Variants in BMP5 observed in about 807,000 individuals in gnomAD.
BMP5 encodes the protein bone morphogenetic protein 5.
Under a neutral mutation model 46.6 loss-of-function variants are expected in BMP5, and 23 were observed. The ratio of observed to expected loss-of-function variants is 0.49; its 90% CI spans 0.35 to 0.70. BMP5 has a LOEUF of 0.70. Among genes scored for constraint, BMP5 ranks in the 30% least tolerant of loss-of-function variants. The pLI, the probability that BMP5 is intolerant of heterozygous loss-of-function variation, is 0.00. For synonymous variants in BMP5, 204 were observed against 191.9 expected, an observed-to-expected ratio of 1.06 and a Z score of -0.52; for missense variants, 545 against 565.6, an observed-to-expected ratio of 0.96 and a Z score of 0.37.
chr6:55,808,757 C>A (rs1776053034), intron 2 of BMP5, among the ~76,000 whole-genome samples: 1 of 152,182 alleles, frequency 6.6e-6, no homozygotes, highest in Non-Finnish European at 1.5e-5. Flanking sequence ...CCACCGCACC[C>A]CACTGCTCTT....
At chr6:55,847,968 A>C (rs1777138649) in intron 1 of BMP5, among the ~76,000 whole-genome samples, 1 of 151,972 alleles carries the variant, frequency 6.6e-6, no homozygotes. Flanking sequence ...TTAAAAGGAT[A>C]ATTAATTGGA....
intron 3 of BMP5, among the ~76,000 whole-genome samples, chr6:55,791,502 A>G (rs1200131139): frequency 2.6e-5 from 4 of 152,226 alleles, no homozygotes; most frequent in African/African-American, 4.8e-5. Flanking sequence ...TAAAGGAGTA[A>G]AACATTAGTT....
intron 1 of BMP5, among the ~76,000 whole-genome samples, chr6:55,834,277 C>T (rs1776732987): frequency 1.3e-5 from 2 of 152,158 alleles, no homozygotes; most frequent in South Asian, 4.1e-4. Context: ...ACTTTACTAA[C>T]AGAAACTTCC....
At chr6:55,810,736 A>C (rs905058381) in intron 2 of BMP5, among the ~76,000 whole-genome samples, 7 of 152,204 alleles carry the variant, frequency 4.6e-5, no homozygotes, top group Non-Finnish European at 8.8e-5. Flanking sequence ...TAAATCTTCA[A>C]ATAGAGCAAG....
chr6:55,816,100 A>G (rs1238103085), intron 2 of BMP5, among the ~76,000 whole-genome samples: 1 of 152,122 alleles, frequency 6.6e-6, no homozygotes, highest in East Asian at 1.9e-4. Flanking sequence ...CCTGAAAAAA[A>G]TGCTTAGGAT....
At chr6:55,805,534 G>A (rs73453372) in intron 2 of BMP5, among the ~76,000 whole-genome samples, 4,838 of 151,536 alleles carry the variant, frequency 0.032, 207 homozygotes, top group African/African-American at 0.1. Context: ...TTAGTTCCAC[G>A]TCTTTGCTTT....
chr6:55,778,385 G>A (rs1224947939), intron 3 of BMP5, among the ~76,000 whole-genome samples: 1 of 151,932 alleles, frequency 6.6e-6, no homozygotes, highest in African/African-American at 2.4e-5. Context: ...TGATCTTGCT[G>A]GTGGCAGTTA....
chr6:55,844,115 A>G (rs528648404), intron 1 of BMP5, among the ~76,000 whole-genome samples: 1 of 152,086 alleles, frequency 6.6e-6, no homozygotes, highest in African/African-American at 2.4e-5. Context: ...AAAGTATGAT[A>G]TTATTTATCC....
intron 1 of BMP5, among the ~76,000 whole-genome samples, chr6:55,860,495 CTAAA>C (rs1777504870): frequency 6.6e-6 from 1 of 151,956 alleles, no homozygotes; most frequent in Non-Finnish European, 1.5e-5. Context: ...ATGTCTCAGA[CTAAA>C]TAATTAGAAA....
rs376266496 is a variant in BMP5, at chr6:55,805,619, C to T, written c.684-11192G>A. 5.1e-4 allele frequency among the ~76,000 whole-genome samples: 77 copies of T among 152,228 alleles called. No homozygotes were observed. The South Asian group carries it at 0.016, about 31-fold the overall frequency. On this transcript the variant is annotated intron_variant, in intron 2 of 6. Transcript: ENST00000370830. ...GCTGGGTCAGATGGTATTTCTGGTT[C>T]TAGATCCTTGAGGAATCGGCACATT...
intron 4 of BMP5, among the ~76,000 whole-genome samples, chr6:55,770,887 C>T (rs780271653): frequency 1.6e-4 from 24 of 151,818 alleles, no homozygotes; most frequent in Non-Finnish European, 3.1e-4. Flanking sequence ...ACATTTACTT[C>T]CCATCTTATA....
intron 3 of BMP5, among the ~76,000 whole-genome samples, chr6:55,781,607 AT>A (rs1172320071): frequency 0.055 from 7,728 of 140,112 alleles, 498 homozygotes; most frequent in African/African-American, 0.17. Context: ...ATTATTCCAA[AT>A]TTTTTTTTTT....
At chr6:55,789,352 C>A (rs1160794312) in intron 3 of BMP5, among the ~76,000 whole-genome samples, 1 of 151,790 alleles carries the variant, frequency 6.6e-6, no homozygotes, top group Non-Finnish European at 1.5e-5. Flanking sequence ...CTAAATTATT[C>A]TATAAACCCA....
chr6:55,859,847 T>C (rs1777487961), intron 1 of BMP5, among the ~76,000 whole-genome samples: 1 of 152,238 alleles, frequency 6.6e-6, no homozygotes, highest in African/African-American at 2.4e-5. Context: ...TATATCCTCC[T>C]TGCAGAGATT....
intron 2 of BMP5, among the ~76,000 whole-genome samples, chr6:55,794,966 T>C (rs1775671845): frequency 1.3e-5 from 2 of 152,250 alleles, no homozygotes; most frequent in Non-Finnish European, 2.9e-5. Flanking sequence ...ACCACTGGTT[T>C]AAGGATAAAT....
intron 1 of BMP5, among the ~76,000 whole-genome samples, chr6:55,838,630 C>A (rs1776881303): frequency 6.6e-6 from 1 of 152,026 alleles, no homozygotes; most frequent in Admixed American, 6.6e-5. Flanking sequence ...CCTTGCTGTG[C>A]AGAAGGTTTT....
chr6:55,863,917 T>C (rs1005173306), intron 1 of BMP5, among the ~76,000 whole-genome samples: 1 of 152,160 alleles, frequency 6.6e-6, no homozygotes, highest in Non-Finnish European at 1.5e-5. Context: ...GGATATGCCA[T>C]CTAGGTTTGT....
At chr6:55,811,556 T>G (rs1387640868) in intron 2 of BMP5, among the ~76,000 whole-genome samples, 1 of 152,180 alleles carries the variant, frequency 6.6e-6, no homozygotes, top group East Asian at 1.9e-4. Flanking sequence ...TTGTATTAAT[T>G]TAATTCATTA....
chr6:55,765,494 A>T (rs1436649802), intron 4 of BMP5, among the ~76,000 whole-genome samples: 6 of 152,230 alleles, frequency 3.9e-5, no homozygotes, highest in African/African-American at 1.4e-4. Flanking sequence ...ATAAAAATTT[A>T]AAATGATAAA....
Sources: gnomAD v4.1 joint callset for allele counts (sites outside exome capture counted in the v4.1 genomes callset) on GRCh38, gnomAD v4.1.1 for gene constraint, MANE v1.5 for transcripts, NCBI Gene and HGNC (gene_info 2026-07-23, HGNC 2026-07-21) for gene names.